The following PEX14 variants were observed in gnomAD, a reference collection of about 807,000 sequenced individuals.
PEX14 encodes the protein peroxisomal biogenesis factor 14, also known as peroxisomal membrane protein PEX14.
PEX14 carries 15 observed loss-of-function variants against 49.5 expected under a neutral mutation model. That is an observed-to-expected ratio of 0.30 (90% CI 0.20 to 0.47). The LOEUF is 0.47. Among genes scored for constraint, PEX14 ranks in the 20% least tolerant of loss-of-function variants. The pLI is 1.00. For synonymous variants in PEX14, 210 were observed against 212.7 expected, an observed-to-expected ratio of 0.99 and a Z score of 0.11; for missense variants, 398 against 494.8, an observed-to-expected ratio of 0.80 and a Z score of 1.86.
intron 3 of PEX14, among the ~76,000 whole-genome samples, chr1:10,542,533 G>C (rs1639047045): frequency 6.6e-6 from 1 of 152,144 alleles, no homozygotes; most frequent in African/African-American, 2.4e-5. Flanking sequence ...AGGCAGAGGC[G>C]GGAGGATCAC....
At chr1:10,540,968 TG>T (rs1472399805) in intron 3 of PEX14, among the ~76,000 whole-genome samples, 1 of 152,216 alleles carries the variant, frequency 6.6e-6, no homozygotes, top group Non-Finnish European at 1.5e-5. Context: ...CAGTATATCC[TG>T]GACATTTTTT....
chr1:10,608,740 A>G (rs76204233), intron 4 of PEX14, among the ~76,000 whole-genome samples: 5 of 149,782 alleles, frequency 3.3e-5, no homozygotes, highest in Admixed American at 3.3e-4. Context: ...TTAAAAAAAA[A>G]TAAAAAAAAA....
At chr1:10,586,064 CAT>C (rs1557859716) in intron 3 of PEX14, among the ~76,000 whole-genome samples, 1 of 152,218 alleles carries the variant, frequency 6.6e-6, no homozygotes, top group East Asian at 1.9e-4. Context: ...ACAAATCTAT[CAT>C]AATGGGACGT....
rs1026875107 is a variant in PEX14, at chr1:10,622,357, G to A, written c.385-662G>A. 5.3e-5 allele frequency among the ~76,000 whole-genome samples: 8 copies of A among 152,120 alleles called. No homozygotes were observed. In the East Asian group the frequency reaches 5.8e-4, roughly 11 times the overall value. On this transcript the variant is annotated intron_variant, in intron 5 of 8. Coordinates refer to ENST00000356607, the MANE Select transcript of PEX14 (RefSeq NM_004565.3). ...GAACTCGACTTCTTTTGACTCTTAC[G>A]TGAAGGAAGTTTGTTCTGAGGATTC...
intron 3 of PEX14, among the ~76,000 whole-genome samples, chr1:10,544,744 A>G (rs1029060050): frequency 5.0e-5 from 7 of 138,946 alleles, no homozygotes; most frequent in African/African-American, 1.5e-4. Context: ...TGCTATCACT[A>G]TAGATTAGCC....
chr1:10,614,962 C>T (rs1440300127), intron 4 of PEX14, among the ~76,000 whole-genome samples: 1 of 152,220 alleles, frequency 6.6e-6, no homozygotes, highest in Non-Finnish European at 1.5e-5. Flanking sequence ...AAGTGCCCGG[C>T]TCCTTGGGGT....
intron 2 of PEX14, among the ~76,000 whole-genome samples, chr1:10,531,354 A>G (rs1638645276): frequency 6.6e-6 from 1 of 152,148 alleles, no homozygotes; most frequent in Non-Finnish European, 1.5e-5. Flanking sequence ...TTCTTACTAA[A>G]ATGCAGCATT....
chr1:10,557,931 C>T (rs1223273469), intron 3 of PEX14, among the ~76,000 whole-genome samples: 1 of 151,762 alleles, frequency 6.6e-6, no homozygotes, highest in Non-Finnish European at 1.5e-5. Flanking sequence ...TTCCTGTTGA[C>T]CAACTGGATA....
Position 10,514,829 on chromosome 1 carries a change from G to T in PEX14, c.84+19508G>T, listed in dbSNP as rs983435289. ...TTCTTGAAAATTGTGTACTGATTGC[G>T]ATCTGTTCTGCTATCACCTGCAGTG... On this transcript the variant is annotated intron_variant, in intron 2 of 8. Transcript: ENST00000356607. The surrounding 1 kb of genome is among the most constrained non-coding windows in gnomAD (Gnocchi z 4.4). 6.6e-6 allele frequency among the ~76,000 whole-genome samples: 1 copy of T among 152,172 alleles called. No homozygotes were observed. The highest frequency in any genetic ancestry group is 1.5e-5 in the Non-Finnish European group (1 of 68,030).
chr1:10,574,632 T>C (rs1315775639), intron 3 of PEX14, among the ~76,000 whole-genome samples: 1 of 152,126 alleles, frequency 6.6e-6, no homozygotes, highest in African/African-American at 2.4e-5. Context: ...CAGGAGATGC[T>C]ACACACAATA....
intron 1 of PEX14, among the ~76,000 whole-genome samples, chr1:10,489,998 C>T (rs908441049): frequency 5.9e-5 from 9 of 152,152 alleles, no homozygotes; most frequent in Admixed American, 3.3e-4. Flanking sequence ...CCATCATGAC[C>T]CGAAGTGGAA....
At chr1:10,520,161 T>TC (rs1350944522) in intron 2 of PEX14, among the ~76,000 whole-genome samples, 2 of 100,896 alleles carry the variant, frequency 2.0e-5, no homozygotes, top group Non-Finnish European at 4.4e-5. Flanking sequence ...TTTTTTTTTT[T>TC]TGTTTTTTTA....
Position 10,495,983 on chromosome 1 carries a change from A to T in PEX14, c.84+662A>T, listed in dbSNP as rs1268764988. 2.0e-5 allele frequency among the ~76,000 whole-genome samples: 3 copies of T among 152,134 alleles called. No individual in the cohort carries two copies. Among genetic ancestry groups the T allele is most frequent in the Non-Finnish European group, 4.4e-5 (3 of 68,036 alleles). ...ATAAACCAGATAAGTTTGATGGGAG[A>T]GCCAGCTCTAGGTTTAACTTTTCAG... On this transcript the variant is annotated intron_variant, in intron 2 of 8. Transcript: ENST00000356607. This position sits in a 1 kb window ranked among gnomAD's most constrained non-coding sequence, Gnocchi z 4.2.
intron 7 of PEX14, among the ~76,000 whole-genome samples, chr1:10,625,503 G>C (rs769880222): frequency 9.9e-5 from 15 of 152,170 alleles, no homozygotes; most frequent in Non-Finnish European, 1.9e-4. Flanking sequence ...ATGGAGTCTG[G>C]GGTGTCTCTT....
intron 1 of PEX14, among the ~76,000 whole-genome samples, chr1:10,484,736 G>T (rs906370920): frequency 2.6e-5 from 4 of 151,590 alleles, no homozygotes; most frequent in Admixed American, 2.0e-4. Context: ...CTAGGGAGGG[G>T]TCTGCTTCCT....
chr1:10,554,970 A>G (rs182929911), intron 3 of PEX14, among the ~76,000 whole-genome samples: 1 of 152,132 alleles, frequency 6.6e-6, no homozygotes, highest in East Asian at 1.9e-4. Flanking sequence ...TCTGAAAGCA[A>G]GTTGCTTCTC....
intron 2 of PEX14, chr1:10,536,012 G>C (rs1638791899): frequency 1.7e-6 from 1 of 579,170 alleles, no homozygotes; most frequent in Non-Finnish European, 3.2e-6. Flanking sequence ...GACAGACTCA[G>C]ATACAGGAAG....
In PEX14 at chr1:10,629,972, G is replaced by C. The variant is rs769581556; in HGVS notation, c.1119G>C (p.Glu373Asp). Residue 373 changes from glutamate (E) to aspartate (D), a missense_variant, in exon 9 of 9, where the codon GAG becomes GAC. This residue lies in a region of PEX14 where 140 missense variants were observed against 155.5 expected (regional missense o/e 0.90). Coordinates refer to ENST00000356607, the MANE Select transcript of PEX14 (RefSeq NM_004565.3). This position sits in a 1 kb window ranked among gnomAD's most constrained non-coding sequence, Gnocchi z 8.5. ...GGCGGCCCGAGGGCGCCAGCAACGAGAGTGAGCGGGACTAGGGCTGCGCCT... is the reference window on the plus strand; with the variant it reads ...GGCGGCCCGAGGGCGCCAGCAACGACAGTGAGCGGGACTAGGGCTGCGCCT... The part of the protein sequence containing the change: ...KLRRPEGASN[E>D]SERD 6 of 1,610,140 alleles carry C rather than the reference G, an allele frequency of 3.7e-6. No individual in the cohort carries two copies. In the Admixed American group the frequency reaches 1.0e-4, roughly 27 times the overall value.
At chr1:10,579,609 T>C (rs1570299687) in intron 3 of PEX14, among the ~76,000 whole-genome samples, 1 of 152,146 alleles carries the variant, frequency 6.6e-6, no homozygotes, top group Non-Finnish European at 1.5e-5. Context: ...GAGCTGCTGG[T>C]TGCCCATTTT....
Sources: gnomAD v4.1 joint callset for allele counts (sites outside exome capture counted in the v4.1 genomes callset) on GRCh38, gnomAD v4.1.1 for gene constraint, gnomAD v4.1.1 regional missense constraint, Gnocchi (gnomAD v3.1) non-coding constraint, MANE v1.5 for transcripts, NCBI Gene and HGNC (gene_info 2026-07-23, HGNC 2026-07-21) for gene names.